Variants in PDE3A observed in about 807,000 individuals in gnomAD.
The protein encoded by PDE3A is cGMP-inhibited 3',5'-cyclic phosphodiesterase 3A.
Under a neutral mutation model 98.3 loss-of-function variants are expected in PDE3A, and 43 were observed. The ratio of observed to expected loss-of-function variants is 0.44; its 90% CI spans 0.34 to 0.56. PDE3A has a LOEUF of 0.56. Ranked by LOEUF, PDE3A falls within the 20% of genes least tolerant of loss-of-function variation. The probability of loss-of-function intolerance (pLI) is 0.01; values close to 1 mark genes in which losing one functional copy is unlikely to be tolerated. For synonymous variants in PDE3A, 663 were observed against 567.9 expected, an observed-to-expected ratio of 1.17 and a Z score of -2.38; for missense variants, 1,427 against 1,440.7, an observed-to-expected ratio of 0.99 and a Z score of 0.15.
chr12:20,651,423 A>G (rs1944912393), intron 14 of PDE3A, among the ~76,000 whole-genome samples: 1 of 152,250 alleles, frequency 6.6e-6, no homozygotes, highest in East Asian at 1.9e-4. Context: ...TCAGATATTT[A>G]AAAGAGTGAC....
At chr12:20,463,096 A>G (rs1383752187) in intron 1 of PDE3A, among the ~76,000 whole-genome samples, 3 of 152,178 alleles carry the variant, frequency 2.0e-5, no homozygotes, top group Non-Finnish European at 4.4e-5. Flanking sequence ...GATTATGCCC[A>G]TGATAAATTA....
chr12:20,559,381 C>CTA (rs368415330), intron 2 of PDE3A, among the ~76,000 whole-genome samples: 12 of 150,378 alleles, frequency 8.0e-5, no homozygotes, highest in South Asian at 2.1e-4. Flanking sequence ...TGTAATAAGA[C>CTA]TATATATATA....
chr12:20,650,046 ATT>A (rs1316949309), intron 13 of PDE3A, among the ~76,000 whole-genome samples: 3 of 152,214 alleles, frequency 2.0e-5, no homozygotes. Context: ...AGGTATATAT[ATT>A]TATGGGTTAC....
intron 1 of PDE3A, among the ~76,000 whole-genome samples, chr12:20,399,713 T>C (rs1286657776): frequency 1.3e-5 from 2 of 152,208 alleles, no homozygotes; most frequent in African/African-American, 4.8e-5. Context: ...AATGCTTTTT[T>C]ATTAGGCTCT....
chr12:20,539,217 G>T (rs1941832578), intron 1 of PDE3A, among the ~76,000 whole-genome samples: 1 of 152,026 alleles, frequency 6.6e-6, no homozygotes, highest in South Asian at 2.1e-4. Context: ...CTTGGGGATG[G>T]GACCCACGTC....
chr12:20,678,358 A>G (rs1271775039), intron 15 of PDE3A, among the ~76,000 whole-genome samples: 4 of 152,030 alleles, frequency 2.6e-5, no homozygotes, highest in Non-Finnish European at 4.4e-5. Context: ...GATAAGTCTG[A>G]TTACCTACTC....
intron 2 of PDE3A, among the ~76,000 whole-genome samples, chr12:20,563,682 T>C (rs1228212184): frequency 6.6e-6 from 1 of 152,172 alleles, no homozygotes; most frequent in Non-Finnish European, 1.5e-5. Context: ...TGCTTGTTGT[T>C]TTGAGAAATT....
At chr12:20,544,981 A>G (rs946412513) in intron 1 of PDE3A, among the ~76,000 whole-genome samples, 15 of 152,002 alleles carry the variant, frequency 9.9e-5, no homozygotes, top group Non-Finnish European at 5.9e-5. Context: ...CTATCCAAGG[A>G]GGGATGATAT....
At position 20,629,928 on chromosome 12, in the gene PDE3A, C is replaced by T. The variant is rs762319809; in HGVS notation, c.1561C>T (p.Pro521Ser). The T allele has an allele frequency of 3.7e-6, 6 of 1,613,884 alleles. No homozygotes were observed. The Admixed American group carries it at 8.3e-5, about 22-fold the overall frequency. Reference sequence around the variant, plus strand: ...CTCAGGTGCCCTCGCTAAAATTTCACCTCTTTCATCGCCCTGCTCCTCACC... The same window carrying T: ...CTCAGGTGCCCTCGCTAAAATTTCATCTCTTTCATCGCCCTGCTCCTCACC... ...SRPGALAKIS[P>S]LSSPCSSPLQ... Residue 521 changes from proline to serine, a missense_variant, in exon 6 of 16, where the codon CCT becomes TCT. Pro to Ser is a moderately conservative substitution (Grantham distance 74, BLOSUM62 -1). Transcript: ENST00000359062.
intron 1 of PDE3A, among the ~76,000 whole-genome samples, chr12:20,494,087 G>T (rs1474409058): frequency 6.6e-6 from 1 of 152,146 alleles, no homozygotes; most frequent in Non-Finnish European, 1.5e-5. Context: ...TCTAATTTTG[G>T]ATTCAAGTGA....
At chr12:20,541,163 C>T (rs1242503941) in intron 1 of PDE3A, among the ~76,000 whole-genome samples, 1 of 126,478 alleles carries the variant, frequency 7.9e-6, no homozygotes, top group East Asian at 2.8e-4. Flanking sequence ...GTAGTGCAAT[C>T]GTAGCTCACT....
intron 1 of PDE3A, among the ~76,000 whole-genome samples, chr12:20,505,826 C>T (rs1258819123): frequency 6.6e-6 from 1 of 151,880 alleles, no homozygotes; most frequent in Non-Finnish European, 1.5e-5. Context: ...AGGCTTTTTG[C>T]AAGAAAATAT....
At chr12:20,489,036 C>A (rs900858975) in intron 1 of PDE3A, among the ~76,000 whole-genome samples, 2 of 152,146 alleles carry the variant, frequency 1.3e-5, no homozygotes, top group Non-Finnish European at 2.9e-5. Context: ...TGGAATACAT[C>A]AATTGTTTGA....
chr12:20,678,397 G>A (rs1249879440), intron 15 of PDE3A, among the ~76,000 whole-genome samples: 2 of 152,008 alleles, frequency 1.3e-5, no homozygotes, highest in East Asian at 3.9e-4. Flanking sequence ...TGTGGAGCAG[G>A]CAAGTACCAG....
chr12:20,643,139 AG>A (rs1264510694), intron 10 of PDE3A, among the ~76,000 whole-genome samples: 1 of 152,086 alleles, frequency 6.6e-6, no homozygotes, highest in Non-Finnish European at 1.5e-5. Flanking sequence ...AAAGAGGGCG[AG>A]GGGGTTGCCA....
At position 20,680,214 on chromosome 12, in the gene PDE3A, A is replaced by C. The variant is rs1354861916; in HGVS notation, c.3369A>C (p.Glu1123Asp). 1.9e-6 allele frequency: 3 copies of C among 1,613,900 alleles called. No individual in the cohort carries two copies. The African/African-American group carries it at 4.0e-5, about 22-fold the overall frequency. Residue 1123 changes from glutamate to aspartate, a missense_variant, in exon 16 of 16, where the codon GAA (glutamate) becomes GAC (aspartate). This residue lies in a region of PDE3A where 142 missense variants were observed against 133.9 expected (regional missense o/e 1.06). Transcript: ENST00000359062. ...AGATCCAGGCTATCAAGGAAGAAGA[A>C]GAAGAGAAAGGGAAACCAAGAGGCG... ...SEQIQAIKEE[E>D]EEKGKPRGEE...
chr12:20,489,814 C>G (rs887439882), intron 1 of PDE3A, among the ~76,000 whole-genome samples: 4 of 152,260 alleles, frequency 2.6e-5, no homozygotes, highest in Admixed American at 1.3e-4. Flanking sequence ...TGATTGTTAA[C>G]ATTTATGCCC....
chr12:20,542,550 T>C (rs1941945844), intron 1 of PDE3A, among the ~76,000 whole-genome samples: 1 of 152,050 alleles, frequency 6.6e-6, no homozygotes, highest in African/African-American at 2.4e-5. Context: ...GCAATGTTTA[T>C]GTTTTTCAGC....
intron 1 of PDE3A, among the ~76,000 whole-genome samples, chr12:20,399,935 CAA>C (rs751993336): frequency 6.6e-6 from 1 of 152,142 alleles, no homozygotes; most frequent in Non-Finnish European, 1.5e-5. Flanking sequence ...CCAAATGAGG[CAA>C]AGTTTTGTGT....
Sources: gnomAD v4.1 joint callset for allele counts (sites outside exome capture counted in the v4.1 genomes callset) on GRCh38, gnomAD v4.1.1 for gene constraint, gnomAD v4.1.1 regional missense constraint, MANE v1.5 for transcripts, NCBI Gene and HGNC (gene_info 2026-07-23, HGNC 2026-07-21) for gene names.